Variants in TMOD2 observed in about 807,000 individuals in gnomAD.
TMOD2 encodes the protein tropomodulin 2, also known as tropomodulin-2.
Under a neutral mutation model 39.9 loss-of-function variants are expected in TMOD2, and 22 were observed. The observed-to-expected ratio is 0.55, with a 90% CI of 0.39 to 0.79. The LOEUF (loss-of-function observed/expected upper bound fraction) is 0.79, where lower values mean the gene tolerates loss of function less well. TMOD2 is among the 30% of genes least tolerant of loss of function. The pLI is 0.00. For missense variants in TMOD2, 386 were observed against 413.3 expected (o/e 0.93, Z 0.57); for synonymous variants, 123 against 146.1 (o/e 0.84, Z 1.14).
At chr15:51,781,823 A>AGAGAGAGTGT (rs368954467) in intron 6 of TMOD2, among the ~76,000 whole-genome samples, 14 of 149,504 alleles carry the variant, frequency 9.4e-5, no homozygotes, top group African/African-American at 3.5e-4. Context: ...AGAGAGAGAG[A>AGAGAGAGTGT]GTGTGTGTGT....
At position 51,808,996 on chromosome 15, in the gene TMOD2, A is replaced by G. The variant is rs1175604623; in HGVS notation, c.*542A>G. Reference sequence around the variant, plus strand: ...GTTCCAGAAAAATCAGTAAATGCACATGCCCTGTTGATTGGAGATCAGTAG... The same window carrying G: ...GTTCCAGAAAAATCAGTAAATGCACGTGCCCTGTTGATTGGAGATCAGTAG... On this transcript the variant is annotated 3_prime_UTR_variant, in exon 10 of 10. Coordinates refer to ENST00000249700, the MANE Select transcript of TMOD2 (RefSeq NM_014548.4). 6.5e-6 allele frequency: 1 copy of G among 152,710 alleles called. No homozygotes were observed. Among genetic ancestry groups the G allele is most frequent in the Non-Finnish European group, 1.5e-5 (1 of 68,146 alleles). The allele number at this position is 152,710 out of a possible 1,614,324, so 9.5% of individuals were successfully genotyped here.
chr15:51,801,091 T>G (rs922666097), intron 8 of TMOD2, among the ~76,000 whole-genome samples: 2 of 152,108 alleles, frequency 1.3e-5, no homozygotes, highest in African/African-American at 4.8e-5. Context: ...GTAATCCCAA[T>G]GCATTGCAAG....
chr15:51,791,336 T>C (rs1445014010), intron 7 of TMOD2, among the ~76,000 whole-genome samples: 1 of 151,960 alleles, frequency 6.6e-6, no homozygotes, highest in Non-Finnish European at 1.5e-5. Flanking sequence ...AAAACACTGC[T>C]CAAGGAAATA....
chr15:51,811,623 G>C lies in TMOD2; in HGVS notation c.*3169G>C, dbSNP rs1368706847. 1 of 152,230 alleles carries C rather than the reference G, an allele frequency of 6.6e-6. No individual in the cohort carries two copies. Among genetic ancestry groups the C allele is most frequent in the Non-Finnish European group, 1.5e-5 (1 of 68,074 alleles). The allele number at this position is 152,230 out of a possible 1,614,324, so 9.4% of individuals were successfully genotyped here. ...CTCATCAGCATGATTAAATGACTTC[G>C]TTTCTTTCATCTTTGGAGGGTATAA... On this transcript the variant is annotated 3_prime_UTR_variant, in exon 10 of 10. Coordinates refer to ENST00000249700, the MANE Select transcript of TMOD2 (RefSeq NM_014548.4).
rs572084387 is a variant in TMOD2 at position 51,801,918 on chromosome 15, C to T, written c.876+3578C>T. Among the ~76,000 whole-genome samples, 3 of 149,340 alleles carry T rather than the reference C, an allele frequency of 2.0e-5. No individual in the cohort carries two copies. In the South Asian group the frequency reaches 6.3e-4, roughly 31 times the overall value. On this transcript the variant is annotated intron_variant, in intron 8 of 9. Coordinates refer to ENST00000249700, the MANE Select transcript of TMOD2 (RefSeq NM_014548.4). ...TCCAGCCTGGGCAACATAGCAAGAC[C>T]TCATCTTTAAAATATATATATAATA...
At chr15:51,799,453 A>G (rs1261919639) in intron 8 of TMOD2, among the ~76,000 whole-genome samples, 1 of 152,182 alleles carries the variant, frequency 6.6e-6, no homozygotes, top group Non-Finnish European at 1.5e-5. Context: ...GCTAACCAGG[A>G]CAAGCAGACT....
intron 8 of TMOD2, among the ~76,000 whole-genome samples, chr15:51,799,471 G>A (rs903267866): frequency 8.5e-5 from 13 of 152,190 alleles, no homozygotes; most frequent in African/African-American, 3.1e-4. Context: ...ACTGTTTTCA[G>A]TGCAGGCCCT....
intron 1 of TMOD2, among the ~76,000 whole-genome samples, chr15:51,762,309 A>C (rs1374296374): frequency 6.6e-6 from 1 of 151,910 alleles, no homozygotes; most frequent in Non-Finnish European, 1.5e-5. Context: ...ATAAAAAAAA[A>C]ATAGCCCGGC....
At chr15:51,802,285 G>A (rs941177421) in intron 8 of TMOD2, among the ~76,000 whole-genome samples, 1 of 151,898 alleles carries the variant, frequency 6.6e-6, no homozygotes, top group East Asian at 1.9e-4. Flanking sequence ...TTATATTAAT[G>A]GTTTAAGTTA....
intron 5 of TMOD2, among the ~76,000 whole-genome samples, chr15:51,780,703 G>T (rs2141626255): frequency 6.6e-6 from 1 of 152,336 alleles, no homozygotes; most frequent in African/African-American, 2.4e-5. Context: ...CTCAGATCCT[G>T]TAGTCTAGTT....
At chr15:51,762,330 A>ACACCT (rs1000353761) in intron 1 of TMOD2, among the ~76,000 whole-genome samples, 4 of 151,962 alleles carry the variant, frequency 2.6e-5, no homozygotes, top group African/African-American at 9.7e-5. Context: ...ATGGTGGTGC[A>ACACCT]CACCTGTAGT....
chr15:51,765,289 A>G (rs943088142), intron 1 of TMOD2, among the ~76,000 whole-genome samples: 4 of 152,088 alleles, frequency 2.6e-5, no homozygotes, highest in African/African-American at 9.7e-5. Flanking sequence ...GCGTGAGCCA[A>G]CGTTCCTGGC....
At chr15:51,806,822 T>C (rs1040651392) in intron 9 of TMOD2, among the ~76,000 whole-genome samples, 2 of 152,224 alleles carry the variant, frequency 1.3e-5, no homozygotes, top group African/African-American at 4.8e-5. Flanking sequence ...TCTCCTTCTG[T>C]TTTTATCTGC....
At chr15:51,756,310 C>G (rs887915011) in intron 1 of TMOD2, 1 of 152,176 alleles carries the variant, frequency 6.6e-6, no homozygotes. Flanking sequence ...TTATATTCAG[C>G]AGATCTTGAT....
intron 7 of TMOD2, among the ~76,000 whole-genome samples, chr15:51,790,984 A>G (rs1223539561): frequency 6.6e-6 from 1 of 152,210 alleles, no homozygotes; most frequent in African/African-American, 2.4e-5. Flanking sequence ...TATTCAACAT[A>G]GTATTAGAAG....
At chr15:51,805,685 G>C (rs1421395329) in intron 8 of TMOD2, among the ~76,000 whole-genome samples, 4 of 152,246 alleles carry the variant, frequency 2.6e-5, no homozygotes, top group Admixed American at 1.3e-4. Flanking sequence ...TGAAGTGATG[G>C]ATACCCCATT....
intron 7 of TMOD2, among the ~76,000 whole-genome samples, chr15:51,795,569 GCTTGCTTGCTTTCTTTCTTTCTTT>G (rs1464575422): frequency 0.019 from 814 of 42,424 alleles, 23 homozygotes; most frequent in African/African-American, 0.075. Context: ...TCTTCTGCTT[GCTTGCTTGCTTTCTTTCTTTCTTT>G]CTTTCTTTCT....
chr15:51,795,293 G>T (rs2056040013), intron 7 of TMOD2, among the ~76,000 whole-genome samples: 1 of 152,024 alleles, frequency 6.6e-6, no homozygotes, highest in Admixed American at 6.6e-5. Flanking sequence ...AGGCGTGGTG[G>T]CCCATGCCTG....
rs758378999 is a variant in TMOD2, at chr15:51,781,221, A to G, written c.624+47A>G. ...CAGTCAGTTAATTTATCATGAGGTC[A>G]GAAAACTTACCAGAGATGACCTATT... On this transcript the variant is annotated intron_variant, in intron 6 of 9. Transcript: ENST00000249700. 53 of 1,543,562 alleles carry G rather than the reference A, an allele frequency of 3.4e-5. No homozygotes were observed. In the African/African-American group the frequency reaches 5.5e-4, roughly 16 times the overall value.
Sources: allele counts gnomAD v4.1 joint callset (sites outside exome capture counted in the v4.1 genomes callset), GRCh38; gene constraint gnomAD v4.1.1; transcripts MANE v1.5; gene names NCBI Gene and HGNC (gene_info 2026-07-23, HGNC 2026-07-21).